The following DHX34 variants were observed in gnomAD, a reference collection of about 807,000 sequenced individuals.
DHX34 encodes the protein probable ATP-dependent RNA helicase DHX34.
In DHX34, 96 loss-of-function variants were observed where a neutral mutation model predicts 111.1. That is an observed-to-expected ratio of 0.86 (90% CI 0.73 to 1.02). The LOEUF is 1.02. Ranked by LOEUF, DHX34 falls within the 50% of genes least tolerant of loss-of-function variation. DHX34 has a pLI of 0.00. For synonymous variants in DHX34, 688 were observed against 670.4 expected (o/e 1.03, Z -0.41); for missense variants, 1,560 against 1,579.9 (o/e 0.99, Z 0.21).
chr19:47,376,634 C>T, intron 12 of DHX34, 74 bp downstream of exon 12: 3 of 1,514,980 alleles, frequency 2.0e-6, no homozygotes, highest in Middle Eastern at 2.4e-4. Flanking sequence ...TCCCAGGCCC[C>T]TCTGGCTGGG....
In DHX34 at chr19:47,352,621, G is replaced by C. The variant is rs10424859; in HGVS notation, c.-277-133G>C. ...GTCCAGGAGGTCGAGGCTGTGGTGAGCCATGATTACGGCACTGCACTCCAG... is the reference window on the plus strand; with the variant it reads ...GTCCAGGAGGTCGAGGCTGTGGTGACCCATGATTACGGCACTGCACTCCAG... On this transcript the variant is annotated intron_variant, in intron 1 of 16. Coordinates refer to ENST00000328771, the MANE Select transcript of DHX34 (RefSeq NM_014681.6). 9.6e-3 allele frequency: 1,704 copies of C among 178,420 alleles called. 38 individuals are homozygous for C. The highest frequency in any genetic ancestry group is 0.039 in the African/African-American group (1,616 of 41,876). The allele number at this position is 178,420 out of a possible 1,614,324, so 11.1% of individuals were successfully genotyped here.
intron 8 of DHX34, chr19:47,373,373 G>A (rs550521243): frequency 3.2e-6 from 2 of 625,428 alleles, no homozygotes; most frequent in African/African-American, 4.0e-5. Flanking sequence ...AGAGAGGGCT[G>A]GAATGGGGAG....
chr19:47,379,520 C>T lies in DHX34; in HGVS notation c.2707-190C>T, dbSNP rs1017454882. Reference sequence around the variant, plus strand: ...ACCCCAGCCCCCTTCCCTGACTCAGCGGCTGCCTTGTTCATGCCGTATCCC... The same window carrying T: ...ACCCCAGCCCCCTTCCCTGACTCAGTGGCTGCCTTGTTCATGCCGTATCCC... On this transcript the variant is annotated intron_variant, in intron 13 of 16. Transcript: ENST00000328771. 1.2e-4 allele frequency: 109 copies of T among 935,536 alleles called. No individual in the cohort carries two copies. The African/African-American group carries it at 1.7e-3, about 14-fold the overall frequency. 58.0% of individuals were successfully genotyped at this position (935,536 alleles called of 1,614,324 possible).
In DHX34 at chr19:47,375,567, C is replaced by T. The variant is rs951099616; in HGVS notation, c.2166C>T (p.His722=). ...LQQRRERRAL[H]QLKRQHEEGA... is the part of the protein sequence containing the mutation. Reference sequence around the variant, plus strand: ...AGCGCCGGGAGCGCCGGGCCCTGCACCAGCTGAAACGCCAGCACGAGGAGG... The same window carrying T: ...AGCGCCGGGAGCGCCGGGCCCTGCATCAGCTGAAACGCCAGCACGAGGAGG... Residue 722 remains histidine (H), a synonymous_variant, in exon 10 of 17, where the codon CAC becomes CAT. Transcript: ENST00000328771. The T allele has an allele frequency of 2.6e-6, 4 of 1,548,016 alleles. No individual in the cohort carries two copies. The highest frequency in any genetic ancestry group is 2.0e-5 in the Admixed American group (1 of 51,216).
At chr19:47,381,510 G>A in intron 16 of DHX34, 186 bp downstream of exon 16, 1 of 807,610 alleles carries the variant, frequency 1.2e-6, no homozygotes, top group South Asian at 2.0e-5. Context: ...GGAGAGCCTG[G>A]AGCGCCACCT....
At chr19:47,360,121 T>C (rs1969583841) in intron 5 of DHX34, 51 bp downstream of exon 5, 1 of 1,583,654 alleles carries the variant, frequency 6.3e-7, no homozygotes. Flanking sequence ...CTTAGGAGCA[T>C]GGGGTCCGGA....
chr19:47,366,723 G>A (rs1364600032), intron 6 of DHX34: 2 of 511,228 alleles, frequency 3.9e-6, no homozygotes, highest in Non-Finnish European at 5.0e-6. Flanking sequence ...TGGGATTACA[G>A]TCATGCACCA....
At chr19:47,350,305 G>A (rs1969245756) in intron 1 of DHX34, among the ~76,000 whole-genome samples, 1 of 152,136 alleles carries the variant, frequency 6.6e-6, no homozygotes, top group Non-Finnish European at 1.5e-5. Flanking sequence ...TTGGGAGGCT[G>A]CGGTGGGAGG....
intron 14 of DHX34, among the ~76,000 whole-genome samples, chr19:47,380,295 C>T (rs1021213588): frequency 1.4e-4 from 22 of 152,064 alleles, no homozygotes; most frequent in Non-Finnish European, 2.6e-4. Context: ...AGAGGGAAGC[C>T]GTAGACGTCT....
intron 12 of DHX34, 97 bp from the exon 13 acceptor site, chr19:47,376,999 CTCTT>C (rs1417975979): frequency 3.8e-6 from 6 of 1,586,078 alleles, no homozygotes; most frequent in South Asian, 2.3e-5. Context: ...CGTAAGCATA[CTCTT>C]TCTATCGATG....
chr19:47,376,113 C>T lies in DHX34; in HGVS notation c.2481+16C>T. 6.5e-7 allele frequency: 1 copy of T among 1,536,646 alleles called. No individual in the cohort carries two copies. The highest frequency in any genetic ancestry group is 8.7e-7 in the Non-Finnish European group (1 of 1,144,242). On this transcript the variant is annotated intron_variant, in intron 11 of 16. Coordinates refer to ENST00000328771, the MANE Select transcript of DHX34 (RefSeq NM_014681.6). ...CTCAGACCAGGTGGGGCCTGTTCTG[C>T]CCCATCCTATGTTTTGTCCTCCAAC...
intron 4 of DHX34, among the ~76,000 whole-genome samples, chr19:47,358,865 C>T (rs1287675702): frequency 1.3e-5 from 2 of 152,218 alleles, no homozygotes; most frequent in African/African-American, 4.8e-5. Flanking sequence ...ATCTGCCTGC[C>T]TCAGCCTCCC....
intron 12 of DHX34, 173 bp from the exon 13 acceptor site, chr19:47,376,927 G>T: frequency 6.5e-7 from 1 of 1,536,828 alleles, no homozygotes; most frequent in Non-Finnish European, 8.7e-7. Flanking sequence ...ATGGCTGCGT[G>T]CTGGGAGTCA....
intron 4 of DHX34, 86 bp from the exon 5 acceptor site, chr19:47,359,881 GC>G: frequency 6.3e-7 from 1 of 1,598,436 alleles, no homozygotes; most frequent in Non-Finnish European, 8.5e-7. Flanking sequence ...CAGGGAAGCT[GC>G]TGACACGGGG....
chr19:47,376,705 C>A, intron 12 of DHX34, 145 bp downstream of exon 12: 1 of 1,433,822 alleles, frequency 7.0e-7, no homozygotes, highest in Non-Finnish European at 9.3e-7. Flanking sequence ...GTTCCAGGGC[C>A]AGGCCTCCCT....
At chr19:47,380,174 C>T (rs1362688479) in intron 14 of DHX34, among the ~76,000 whole-genome samples, 189 bp downstream of exon 14, 3 of 152,152 alleles carry the variant, frequency 2.0e-5, no homozygotes, top group Admixed American at 1.3e-4. Context: ...GATTTGATCC[C>T]AGGAGCCTGG....
chr19:47,375,744 C>T, intron 10 of DHX34, 36 bp downstream of exon 10: 1 of 1,559,012 alleles, frequency 6.4e-7, no homozygotes, highest in Non-Finnish European at 8.6e-7. Flanking sequence ...GGGGGTTTAC[C>T]AAGGTGGGCC....
chr19:47,354,064 G>C (rs1386748178), intron 2 of DHX34, among the ~76,000 whole-genome samples: 1 of 152,158 alleles, frequency 6.6e-6, no homozygotes, highest in African/African-American at 2.4e-5. Context: ...CCGGGTTCAA[G>C]CAATTCTCCT....
chr19:47,381,354 C>A, intron 16 of DHX34, 30 bp downstream of exon 16: 1 of 1,598,408 alleles, frequency 6.3e-7, no homozygotes, highest in Non-Finnish European at 8.5e-7. Context: ...GACCCGGCCA[C>A]CTCTGCCCAG....
Sources: gnomAD v4.1 joint callset for allele counts (sites outside exome capture counted in the v4.1 genomes callset) on GRCh38, gnomAD v4.1.1 for gene constraint, MANE v1.5 for transcripts, NCBI Gene and HGNC (gene_info 2026-07-23, HGNC 2026-07-21) for gene names.